Variants in PCDHA8 observed in about 807,000 individuals in gnomAD.
PCDHA8 encodes protocadherin alpha 8.
A neutral mutation model predicts 61.8 loss-of-function variants in PCDHA8; 53 were observed. That is an observed-to-expected ratio of 0.86 (90% CI 0.69 to 1.08). PCDHA8 has a LOEUF of 1.08. Among genes scored for constraint, PCDHA8 ranks in the 50% least tolerant of loss-of-function variants. The pLI is 0.00. For synonymous variants in PCDHA8, 618 were observed against 556.6 expected (o/e 1.11, Z -1.55); for missense variants, 1,293 against 1,245.0 (o/e 1.04, Z -0.58).
rs527332783 is a variant in PCDHA8, at chr5:140,855,952, A to G, written c.2394+12237A>G. Reference sequence around the variant, plus strand: ...TCATTCTGAGATCTCAGCCATTTCGATAAAAAATAGATATAAGAAATAGGA... The same window carrying G: ...TCATTCTGAGATCTCAGCCATTTCGGTAAAAAATAGATATAAGAAATAGGA... On this transcript the variant is annotated intron_variant, in intron 1 of 3. Transcript: ENST00000531613. The G allele has an allele frequency of 2.9e-6, 4 of 1,380,786 alleles. No individual in the cohort carries two copies. The African/African-American group carries it at 5.8e-5, about 20-fold the overall frequency. The allele number at this position is 1,380,786 out of a possible 1,614,324, so 85.5% of individuals were successfully genotyped here.
chr5:140,956,540 G>C (rs1356910892), intron 1 of PCDHA8, among the ~76,000 whole-genome samples: 1 of 152,186 alleles, frequency 6.6e-6, no homozygotes, highest in Non-Finnish European at 1.5e-5. Context: ...TGTGCTGCTG[G>C]ATTTGGTTTG....
chr5:140,866,148 A>G (rs1031440226), intron 1 of PCDHA8: 4 of 152,180 alleles, frequency 2.6e-5, no homozygotes, highest in South Asian at 4.1e-4. Flanking sequence ...TGGAAGTGAT[A>G]TAAGTAAGAA....
chr5:140,915,886 T>A (rs1259377999), intron 1 of PCDHA8, among the ~76,000 whole-genome samples: 2 of 152,186 alleles, frequency 1.3e-5, no homozygotes, highest in African/African-American at 4.8e-5. Context: ...GGGTAGCAAG[T>A]TCCCCCTGGC....
chr5:140,988,444 A>G (rs1554250146), intron 3 of PCDHA8, among the ~76,000 whole-genome samples: 1 of 152,112 alleles, frequency 6.6e-6, no homozygotes, highest in Non-Finnish European at 1.5e-5. Flanking sequence ...GATTGACCTG[A>G]AGGGAGGAAG....
At chr5:140,883,024 A>G (rs782136244) in intron 1 of PCDHA8, 3 of 1,614,184 alleles carry the variant, frequency 1.9e-6, no homozygotes, top group Non-Finnish European at 2.5e-6. Context: ...TGACGGTGTT[A>G]GAGAACGCCT....
chr5:140,927,077 G>A (rs568623488), intron 1 of PCDHA8: 1 of 1,610,844 alleles, frequency 6.2e-7, no homozygotes, highest in Non-Finnish European at 8.5e-7. Context: ...TCCAGCCACC[G>A]CGAGCTCTAC....
At chr5:140,928,000 G>T (rs2084855141) in intron 1 of PCDHA8, 1 of 1,614,166 alleles carries the variant, frequency 6.2e-7, no homozygotes, top group Non-Finnish European at 8.5e-7. Context: ...TGAAGACCTC[G>T]ATTCTAATGG....
At chr5:140,976,833 C>T (rs2096733011) in intron 1 of PCDHA8, among the ~76,000 whole-genome samples, 1 of 152,140 alleles carries the variant, frequency 6.6e-6, no homozygotes, top group Non-Finnish European at 1.5e-5. Flanking sequence ...ATGAGCAAAA[C>T]AGATATAATC....
intron 1 of PCDHA8, among the ~76,000 whole-genome samples, chr5:140,922,677 G>C (rs545719033): frequency 6.6e-6 from 1 of 152,306 alleles, no homozygotes; most frequent in Admixed American, 6.5e-5. Flanking sequence ...CAGTAAAAAA[G>C]TGAACAGGCT....
intron 2 of PCDHA8, among the ~76,000 whole-genome samples, chr5:140,979,595 A>G (rs1261298748): frequency 1.3e-5 from 2 of 152,212 alleles, no homozygotes; most frequent in African/African-American, 4.8e-5. Context: ...GCTTACTTTA[A>G]ATTAACCTAG....
chr5:140,861,263 C>T (rs1441824689), intron 1 of PCDHA8: 2 of 174,012 alleles, frequency 1.1e-5, no homozygotes, highest in African/African-American at 4.8e-5. Context: ...ATCCCGGAGC[C>T]TACAGCACTG....
At chr5:140,902,403 T>G (rs1554190429) in intron 1 of PCDHA8, among the ~76,000 whole-genome samples, 1 of 152,102 alleles carries the variant, frequency 6.6e-6, no homozygotes, top group African/African-American at 2.4e-5. Flanking sequence ...TTGAATACTA[T>G]GTTGAATAAC....
chr5:140,928,280 C>A, intron 1 of PCDHA8: 1 of 1,614,194 alleles, frequency 6.2e-7, no homozygotes, highest in Non-Finnish European at 8.5e-7. Context: ...CCTGGGGCCT[C>A]TCTAGGCCGA....
chr5:140,951,021 G>A (rs960559037), intron 1 of PCDHA8, among the ~76,000 whole-genome samples: 1 of 151,932 alleles, frequency 6.6e-6, no homozygotes, highest in Non-Finnish European at 1.5e-5. Context: ...CAGGCAGTGA[G>A]TTTTAATTTC....
chr5:140,918,660 A>G (rs1490487097), intron 1 of PCDHA8, among the ~76,000 whole-genome samples: 1 of 152,200 alleles, frequency 6.6e-6, no homozygotes, highest in Non-Finnish European at 1.5e-5. Context: ...TCTCATGTTG[A>G]TGGTATGAAG....
At chr5:140,949,453 A>T (rs1284957540) in intron 1 of PCDHA8, among the ~76,000 whole-genome samples, 4 of 151,762 alleles carry the variant, frequency 2.6e-5, no homozygotes, top group African/African-American at 9.7e-5. Flanking sequence ...TGCTTCATGT[A>T]ATTTGAAGCC....
At position 140,850,636 on chromosome 5, in the gene PCDHA8, C is replaced by T. The variant is rs2150491740; in HGVS notation, c.2394+6921C>T. The T allele has an allele frequency of 8.1e-6, 13 of 1,598,538 alleles. 2 individuals are homozygous for T. The highest frequency in any genetic ancestry group is 6.7e-5 in the Admixed American group (4 of 59,320). Reference sequence around the variant, plus strand: ...GCGGTGTCTAGCCTGTTGGTTCTCACGCTGCTGCTGTACACTGTGCTGCGG... The same window carrying T: ...GCGGTGTCTAGCCTGTTGGTTCTCATGCTGCTGCTGTACACTGTGCTGCGG... On this transcript the variant is annotated intron_variant, in intron 1 of 3. Transcript: ENST00000531613.
intron 1 of PCDHA8, among the ~76,000 whole-genome samples, chr5:140,901,420 C>G (rs2153473414): frequency 6.6e-6 from 1 of 152,248 alleles, no homozygotes; most frequent in East Asian, 1.9e-4. Context: ...TAGTTTCATT[C>G]CTCTGCATAT....
chr5:140,991,844 C>T (rs892318388), intron 3 of PCDHA8, among the ~76,000 whole-genome samples: 2 of 152,334 alleles, frequency 1.3e-5, no homozygotes, highest in Middle Eastern at 6.8e-3. Flanking sequence ...AACCGCACTT[C>T]CAGATACCAA....
Sources: gnomAD v4.1 joint callset for allele counts (sites outside exome capture counted in the v4.1 genomes callset) on GRCh38, gnomAD v4.1.1 for gene constraint, MANE v1.5 for transcripts, NCBI Gene and HGNC (gene_info 2026-07-23, HGNC 2026-07-21) for gene names.